Variants in NMBR observed in about 807,000 individuals in gnomAD.
NMBR encodes the protein neuromedin B receptor.
In NMBR, 16 loss-of-function variants were observed where a neutral mutation model predicts 20.5. The observed-to-expected ratio is 0.78, with a 90% CI of 0.53 to 1.19. The LOEUF is 1.19. NMBR is among the 50% of genes most tolerant of loss of function. The probability of loss-of-function intolerance (pLI) is 0.00; values close to 1 mark genes in which losing one functional copy is unlikely to be tolerated. For missense variants in NMBR, 582 were observed against 499.1 expected, an observed-to-expected ratio of 1.17 and a Z score of -1.58; for synonymous variants, 212 against 196.6, an observed-to-expected ratio of 1.08 and a Z score of -0.65.
chr6:142,147,094 T>G lies in NMBR; in HGVS notation c.-714A>C. The G allele has an allele frequency of 7.0e-6, 4 of 570,506 alleles. No individual in the cohort carries two copies. Among genetic ancestry groups the G allele is most frequent in the South Asian group, 2.3e-5 (1 of 43,288 alleles). The allele number at this position is 570,506 out of a possible 1,614,324, so 35.3% of individuals were successfully genotyped here. On this transcript the variant is annotated 5_prime_UTR_variant, in exon 1 of 4. Transcript: ENST00000258042. ...CGGCATAAGCGCCAAAATGCTCGGG[T>G]CTTCTGTGGGTTCTAACCGCCGAGA...
rs1207226281 is a variant in NMBR at position 142,074,648 on chromosome 6, T to C, written c.*1000A>G. On this transcript the variant is annotated 3_prime_UTR_variant, in exon 4 of 4. Coordinates refer to ENST00000258042, the MANE Select transcript of NMBR (RefSeq NM_002511.4). Reference sequence around the variant, plus strand: ...AAAATTGCCTAAGTGTGATCCCACATACTTGTCAGTTGGGTATTGCAAGAG... The same window carrying C: ...AAAATTGCCTAAGTGTGATCCCACACACTTGTCAGTTGGGTATTGCAAGAG... 1.3e-5 allele frequency among the ~76,000 whole-genome samples: 2 copies of C among 152,112 alleles called. No homozygotes were observed. Among genetic ancestry groups the C allele is most frequent in the Non-Finnish European group, 2.9e-5 (2 of 67,964 alleles).
At chr6:142,113,440 A>G (rs1777805023) in intron 1 of NMBR, among the ~76,000 whole-genome samples, 1 of 152,168 alleles carries the variant, frequency 6.6e-6, no homozygotes, top group Admixed American at 6.6e-5. Flanking sequence ...AAGTTTATTG[A>G]CATTCAACTG....
intron 2 of NMBR, among the ~76,000 whole-genome samples, 166 bp downstream of exon 2, chr6:142,088,071 A>C (rs1448498100): frequency 6.6e-6 from 1 of 151,934 alleles, no homozygotes; most frequent in Non-Finnish European, 1.5e-5. Flanking sequence ...AGTCCGTTTT[A>C]ACTCTGTTTA....
Position 142,088,696 on chromosome 6 carries a change from C to A in NMBR, c.-38G>T. ...AGCAGAGTCCGCTGGAGTTTTCACGCGCTCCGGTGCCCTGAGGACTGAACG... is the reference window on the plus strand; with the variant it reads ...AGCAGAGTCCGCTGGAGTTTTCACGAGCTCCGGTGCCCTGAGGACTGAACG... On this transcript the variant is annotated 5_prime_UTR_variant, in exon 2 of 4. Coordinates refer to ENST00000258042, the MANE Select transcript of NMBR (RefSeq NM_002511.4). 1 of 1,560,254 alleles carries A rather than the reference C, an allele frequency of 6.4e-7. No homozygotes were observed.
intron 1 of NMBR, among the ~76,000 whole-genome samples, chr6:142,093,808 A>AAG (rs1562236778): frequency 1.3e-5 from 2 of 151,954 alleles, no homozygotes; most frequent in Non-Finnish European, 2.9e-5. Flanking sequence ...ATCCTCTCCG[A>AAG]CACCTGTTGT....
intron 1 of NMBR, among the ~76,000 whole-genome samples, chr6:142,110,591 G>A (rs538683717): frequency 1.3e-5 from 2 of 152,248 alleles, no homozygotes; most frequent in African/African-American, 2.4e-5. Flanking sequence ...GAGTTGGGGG[G>A]AAATGCTTAC....
At chr6:142,085,509 G>T (rs1777183655) in intron 2 of NMBR, among the ~76,000 whole-genome samples, 1 of 152,020 alleles carries the variant, frequency 6.6e-6, no homozygotes, top group African/African-American at 2.4e-5. Context: ...GAGTGACAGA[G>T]CAAGATTCTG....
At chr6:142,142,409 A>G (rs924848670) in intron 1 of NMBR, among the ~76,000 whole-genome samples, 2 of 152,192 alleles carry the variant, frequency 1.3e-5, no homozygotes, top group Admixed American at 6.5e-5. Context: ...ATATAAAAAT[A>G]ATACATCACA....
At chr6:142,091,728 T>G (rs1175031777) in intron 1 of NMBR, among the ~76,000 whole-genome samples, 1 of 152,208 alleles carries the variant, frequency 6.6e-6, no homozygotes, top group Non-Finnish European at 1.5e-5. Context: ...GTGTCTGTTA[T>G]GTCTCTTTGT....
chr6:142,116,797 C>A (rs1777863453), intron 1 of NMBR, among the ~76,000 whole-genome samples: 1 of 151,930 alleles, frequency 6.6e-6, no homozygotes, highest in South Asian at 2.1e-4. Context: ...AATCATCTTT[C>A]AGCTTATTAT....
chr6:142,122,142 T>A (rs1455508273), intron 1 of NMBR, among the ~76,000 whole-genome samples: 23 of 151,962 alleles, frequency 1.5e-4, no homozygotes, highest in Non-Finnish European at 3.2e-4. Context: ...CACTTTCCTT[T>A]CACCGCATTT....
intron 3 of NMBR, among the ~76,000 whole-genome samples, chr6:142,077,621 G>T (rs1776975963): frequency 6.6e-6 from 1 of 152,130 alleles, no homozygotes; most frequent in Non-Finnish European, 1.5e-5. Flanking sequence ...AATTCATAAA[G>T]GTTACCTTCC....
At chr6:142,121,968 G>T (rs1777950168) in intron 1 of NMBR, among the ~76,000 whole-genome samples, 1 of 151,854 alleles carries the variant, frequency 6.6e-6, no homozygotes, top group African/African-American at 2.4e-5. Context: ...ACTCAAGATA[G>T]CTACCAGAAC....
intron 1 of NMBR, among the ~76,000 whole-genome samples, chr6:142,090,382 C>T (rs1562235595): frequency 6.6e-6 from 1 of 151,476 alleles, no homozygotes; most frequent in Non-Finnish European, 1.5e-5. Context: ...AGATATTGCC[C>T]ACCAAGAGCA....
intron 1 of NMBR, among the ~76,000 whole-genome samples, chr6:142,136,887 T>G (rs1778269267): frequency 6.6e-6 from 1 of 152,198 alleles, no homozygotes; most frequent in South Asian, 2.1e-4. Flanking sequence ...CATGCTGTTT[T>G]GGTTACTGTA....
chr6:142,131,630 T>A (rs1205555491), intron 1 of NMBR, among the ~76,000 whole-genome samples: 2 of 152,178 alleles, frequency 1.3e-5, no homozygotes, highest in Non-Finnish European at 2.9e-5. Context: ...CTCAGCCTAA[T>A]CTTTATGTGT....
chr6:142,083,531 A>T (rs1322600259), intron 2 of NMBR, among the ~76,000 whole-genome samples: 1 of 152,076 alleles, frequency 6.6e-6, no homozygotes, highest in African/African-American at 2.4e-5. Context: ...CCCCAACAAA[A>T]TCTCATGTAG....
intron 1 of NMBR, among the ~76,000 whole-genome samples, chr6:142,119,833 T>G (rs896634625): frequency 6.6e-6 from 1 of 151,934 alleles, no homozygotes; most frequent in Non-Finnish European, 1.5e-5. Context: ...AGAGTCTGGC[T>G]TATTAATGAC....
chr6:142,134,133 T>A (rs1031984111), intron 1 of NMBR: 8 of 512,926 alleles, frequency 1.6e-5, no homozygotes, highest in Non-Finnish European at 2.4e-5. Flanking sequence ...CCTAACAGGT[T>A]TTTTGTTCCT....
Sources: allele counts gnomAD v4.1 joint callset (sites outside exome capture counted in the v4.1 genomes callset), GRCh38; gene constraint gnomAD v4.1.1; transcripts MANE v1.5; gene names NCBI Gene and HGNC (gene_info 2026-07-23, HGNC 2026-07-21).